The following ENO4 variants were observed in gnomAD, a reference collection of about 807,000 sequenced individuals.
ENO4 encodes the protein 2-phospho-D-glycerate hydro-lyase.
In ENO4, 53 loss-of-function variants were observed where a neutral mutation model predicts 63.2. That is an observed-to-expected ratio of 0.84 (90% CI 0.67 to 1.05). The LOEUF is 1.05. Ranked by LOEUF, ENO4 falls within the 50% of genes least tolerant of loss-of-function variation. ENO4 has a pLI of 0.00. For missense variants in ENO4, 719 were observed against 772.0 expected, an observed-to-expected ratio of 0.93 and a Z score of 0.81; for synonymous variants, 266 against 283.8, an observed-to-expected ratio of 0.94 and a Z score of 0.63.
At position 116,906,112 on chromosome 10, in the gene ENO4, T is replaced by C. The variant is rs578198189; in HGVS notation, c.1195-5387T>C. On this transcript the variant is annotated intron_variant, in intron 10 of 10. Transcript: ENST00000369207. The stretch of plus-strand genomic sequence containing the variant: ...ATTTCTACTGCAACTACTAAATGAG[T>C]GCTCATTTTGTGCCATGCACATTGC... Among the ~76,000 whole-genome samples, 112 of 152,394 alleles carry C rather than the reference T, an allele frequency of 7.3e-4. 2 individuals are homozygous for C. In the South Asian group the frequency reaches 0.022, roughly 30 times the overall value.
intron 1 of ENO4, among the ~76,000 whole-genome samples, chr10:116,852,794 G>A (rs1257699336): frequency 6.6e-6 from 1 of 152,158 alleles, no homozygotes; most frequent in Non-Finnish European, 1.5e-5. Context: ...CCCTCACTGT[G>A]CCAGCCATCC....
At chr10:116,898,539 A>C (rs922557441) in intron 10 of ENO4, among the ~76,000 whole-genome samples, 10 of 152,176 alleles carry the variant, frequency 6.6e-5, no homozygotes, top group African/African-American at 2.4e-5. Flanking sequence ...TGATGAGCAT[A>C]ATTCTGATCT....
intron 11 of ENO4, 29 bp from the exon 12 acceptor site, chr10:116,879,262 T>C (rs1206567375): frequency 2.6e-6 from 4 of 1,517,898 alleles, no homozygotes; most frequent in South Asian, 1.2e-5. Flanking sequence ...TTCTACACCA[T>C]ATAAAACTGA....
intron 10 of ENO4, among the ~76,000 whole-genome samples, chr10:116,909,062 G>T (rs1449960239): frequency 6.6e-6 from 1 of 152,170 alleles, no homozygotes; most frequent in Non-Finnish European, 1.5e-5. Context: ...TAAAATTTGA[G>T]AATCAGAAAT....
At chr10:116,880,023 A>T (rs1846959571) in intron 13 of ENO4, 37 bp downstream of exon 13, 1 of 1,452,308 alleles carries the variant, frequency 6.9e-7, no homozygotes, top group Admixed American at 2.0e-5. Context: ...CCACTTAGCC[A>T]TGAATAAGAG....
At chr10:116,871,860 AAG>A (rs1388216615) in intron 9 of ENO4, among the ~76,000 whole-genome samples, 1 of 152,192 alleles carries the variant, frequency 6.6e-6, no homozygotes, top group African/African-American at 2.4e-5. Flanking sequence ...CACCCACCTG[AAG>A]AGAAAGATTC....
chr10:116,884,903 CAT>C (rs971432078), downstream of ENO4: 1 of 152,490 alleles, frequency 6.6e-6, no homozygotes, highest in African/African-American at 2.4e-5. Context: ...GTAAGCATAT[CAT>C]ATAGCAGTAT....
intron 10 of ENO4, among the ~76,000 whole-genome samples, chr10:116,905,455 A>G (rs796765301): frequency 1.3e-5 from 2 of 152,258 alleles, no homozygotes; most frequent in African/African-American, 2.4e-5. Flanking sequence ...TTAATACCAG[A>G]ACTTCCAAAC....
At position 116,849,687 on chromosome 10, in the gene ENO4, A is replaced by G. The variant is rs1322433414; in HGVS notation, c.121A>G (p.Asn41Asp). 1.3e-6 allele frequency: 2 copies of G among 1,547,810 alleles called. No homozygotes were observed. Among genetic ancestry groups the G allele is most frequent in the Non-Finnish European group, 1.7e-6 (2 of 1,145,790 alleles). Reference sequence around the variant, plus strand: ...TCCGCGCAGGCTGGAAGAGCTGCTCAACTCCACCTTCTACCTCCAGCCTGC... The same window carrying G: ...TCCGCGCAGGCTGGAAGAGCTGCTCGACTCCACCTTCTACCTCCAGCCTGC... ...DVPRRLEELL[N>D]STFYLQPADV... Residue 41 changes from asparagine (N) to aspartate (D), a missense_variant, in exon 1 of 14, where the codon AAC becomes GAC. Physicochemically the swap from Asn to Asp is conservative, Grantham distance 23. This residue lies in a region of ENO4 where 544 missense variants were observed against 583.6 expected (regional missense o/e 0.93). Transcript: ENST00000341276.
intron 10 of ENO4, chr10:116,901,686 G>C: frequency 7.1e-7 from 1 of 1,400,758 alleles, no homozygotes; most frequent in South Asian, 1.8e-5. Context: ...CTCTCTAAAG[G>C]AAACAAATCA....
intron 7 of ENO4, 195 bp from the exon 8 acceptor site, chr10:116,868,455 A>G (rs1846601904): frequency 1.4e-6 from 1 of 697,604 alleles, no homozygotes; most frequent in African/African-American, 1.8e-5. Flanking sequence ...TGAATTTGAG[A>G]AATAGTTTGT....
At chr10:116,865,233 G>A (rs1438219257) in intron 7 of ENO4, among the ~76,000 whole-genome samples, 4 of 151,888 alleles carry the variant, frequency 2.6e-5, no homozygotes, top group African/African-American at 9.7e-5. Context: ...TGTCACCCAG[G>A]CTGGAGTACA....
At chr10:116,862,906 C>A in intron 7 of ENO4, 54 bp downstream of exon 7, 1 of 1,159,166 alleles carries the variant, frequency 8.6e-7, no homozygotes, top group South Asian at 1.3e-5. Flanking sequence ...CACCTTCTAG[C>A]ATGCAACTTG....
chr10:116,868,781 A>G, intron 8 of ENO4, 75 bp downstream of exon 8: 2 of 1,354,684 alleles, frequency 1.5e-6, no homozygotes, highest in South Asian at 1.2e-5. Flanking sequence ...TATCTTCCAT[A>G]GTCACTTTTT....
intron 1 of ENO4, among the ~76,000 whole-genome samples, chr10:116,854,973 G>GA (rs1382954259): frequency 1.2e-4 from 14 of 118,264 alleles, no homozygotes; most frequent in Non-Finnish European, 2.3e-4. Flanking sequence ...AAAAAAGAAA[G>GA]AAAGAAAAAG....
chr10:116,896,753 T>C (rs1847534699), intron 10 of ENO4, among the ~76,000 whole-genome samples: 1 of 150,640 alleles, frequency 6.6e-6, no homozygotes, highest in Non-Finnish European at 1.5e-5. Flanking sequence ...CACCCCGAAA[T>C]AAACAGGTGG....
chr10:116,863,775 C>G (rs1049493572), intron 7 of ENO4, among the ~76,000 whole-genome samples: 1 of 152,202 alleles, frequency 6.6e-6, no homozygotes, highest in Non-Finnish European at 1.5e-5. Flanking sequence ...GGTTGGCTGG[C>G]TGGGGCCCAA....
intron 10 of ENO4, among the ~76,000 whole-genome samples, chr10:116,906,161 T>G (rs2133335385): frequency 6.6e-6 from 1 of 152,404 alleles, no homozygotes; most frequent in East Asian, 1.9e-4. Context: ...CTTACTGACT[T>G]AATCTTTAGA....
chr10:116,871,946 C>G (rs989847463), intron 9 of ENO4, among the ~76,000 whole-genome samples: 2 of 152,176 alleles, frequency 1.3e-5, no homozygotes, highest in Non-Finnish European at 2.9e-5. Context: ...CCTGTAATCC[C>G]AGCACTTTGG....
Sources: gnomAD v4.1 joint callset for allele counts (sites outside exome capture counted in the v4.1 genomes callset) on GRCh38, gnomAD v4.1.1 for gene constraint, gnomAD v4.1.1 regional missense constraint, MANE v1.5 for transcripts, NCBI Gene and HGNC (gene_info 2026-07-23, HGNC 2026-07-21) for gene names.